The following KCTD1 variants were observed in gnomAD, a reference collection of about 807,000 sequenced individuals.
The protein encoded by KCTD1 is BTB/POZ domain-containing protein KCTD1.
Under a neutral mutation model 66.0 loss-of-function variants are expected in KCTD1, and 24 were observed. The observed-to-expected ratio is 0.36, with a 90% CI of 0.26 to 0.51. The LOEUF (loss-of-function observed/expected upper bound fraction) is 0.51, where lower values mean the gene tolerates loss of function less well. Among genes scored for constraint, KCTD1 ranks in the 20% least tolerant of loss-of-function variants. KCTD1 has a pLI of 0.95. For synonymous variants in KCTD1, 511 were observed against 517.2 expected, an observed-to-expected ratio of 0.99 and a Z score of 0.16; for missense variants, 943 against 1,205.2, an observed-to-expected ratio of 0.78 and a Z score of 3.22.
chr18:26,620,745 A>G (rs12150805), intron 1 of KCTD1, among the ~76,000 whole-genome samples: 82,888 of 151,444 alleles, frequency 0.55, 24,729 homozygotes, highest in Middle Eastern at 0.73. Flanking sequence ...CTAAAATTGC[A>G]AATTTGATAG....
At chr18:26,526,069 A>G (rs1005341457) in intron 1 of KCTD1, among the ~76,000 whole-genome samples, 8 of 152,040 alleles carry the variant, frequency 5.3e-5, no homozygotes, top group African/African-American at 1.9e-4. Context: ...TTATTCAGAC[A>G]GTTTACCAGA....
chr18:26,480,119 G>GT (rs1981565416), intron 2 of KCTD1, among the ~76,000 whole-genome samples: 1 of 126,328 alleles, frequency 7.9e-6, no homozygotes, highest in Non-Finnish European at 1.6e-5. Context: ...ATTTCTTTTT[G>GT]TTTTTTAAGG....
upstream of KCTD1, among the ~76,000 whole-genome samples, chr18:26,550,177 C>T (rs1264413677): frequency 6.6e-6 from 1 of 152,180 alleles, no homozygotes; most frequent in Non-Finnish European, 1.5e-5. The surrounding 1 kb of genome is among the most constrained non-coding windows in gnomAD (Gnocchi z 5.4). Context: ...CTCGCCTGCT[C>T]CTCGGGTGCG....
intron 2 of KCTD1, among the ~76,000 whole-genome samples, chr18:26,479,462 C>G (rs1981519742): frequency 6.6e-6 from 1 of 152,210 alleles, no homozygotes; most frequent in Non-Finnish European, 1.5e-5. Context: ...CGGCCAGACC[C>G]GATGGAAGGG....
chr18:26,535,971 C>CAAAAAAA (rs36119174), intron 1 of KCTD1, among the ~76,000 whole-genome samples: 32,521 of 119,952 alleles, frequency 0.27, 4,351 homozygotes, highest in East Asian at 0.46. Flanking sequence ...GTGATTCCTC[C>CAAAAAAA]AAAAAAAAAA....
At chr18:26,596,784 T>A (rs1203066373) in intron 1 of KCTD1, among the ~76,000 whole-genome samples, 1 of 152,276 alleles carries the variant, frequency 6.6e-6, no homozygotes, top group Non-Finnish European at 1.5e-5. Context: ...CCATTGCTAC[T>A]GTTGTTAAGA....
At chr18:26,645,397 A>C (rs1598982714) in intron 1 of KCTD1, among the ~76,000 whole-genome samples, 1 of 152,054 alleles carries the variant, frequency 6.6e-6, no homozygotes, top group East Asian at 1.9e-4. Flanking sequence ...TTACAGGCAC[A>C]TAAATCCTTT....
At chr18:26,482,345 C>T (rs1981692421) in intron 2 of KCTD1, among the ~76,000 whole-genome samples, 1 of 152,142 alleles carries the variant, frequency 6.6e-6, no homozygotes, top group Non-Finnish European at 1.5e-5. Context: ...AACTGAAACA[C>T]CCCAAGACTC....
chr18:26,509,705 A>C (rs28479192), intron 1 of KCTD1, among the ~76,000 whole-genome samples: 2,941 of 152,332 alleles, frequency 0.019, 104 homozygotes, highest in African/African-American at 0.067. Flanking sequence ...ACAGTAAAGG[A>C]AAACATTTTT....
chr18:26,640,854 T>C (rs1174127488), upstream of KCTD1, among the ~76,000 whole-genome samples: 2 of 151,810 alleles, frequency 1.3e-5, no homozygotes, highest in African/African-American at 4.8e-5. Flanking sequence ...GGAAGAGTGG[T>C]CAAAATAGAA....
chr18:26,519,147 C>CT (rs980128064), intron 1 of KCTD1, among the ~76,000 whole-genome samples: 1 of 152,194 alleles, frequency 6.6e-6, no homozygotes, highest in Non-Finnish European at 1.5e-5. Context: ...ATTTGCCCGA[C>CT]TTTTACATTT....
rs560365111 is a variant in KCTD1, at chr18:26,523,204, A to AT, written c.1810-21955_1810-21954insA. 4.6e-5 allele frequency among the ~76,000 whole-genome samples: 7 copies of AT among 152,142 alleles called. No homozygotes were observed. The South Asian group carries it at 1.4e-3, about 31-fold the overall frequency. On this transcript the variant is annotated intron_variant, in intron 1 of 4. Coordinates refer to ENST00000580059, the MANE Select transcript of KCTD1 (RefSeq NM_001142730.3). ...AAGTAGATTTGGGAAACACTGAGTT[A>AT]AACAGGCTTCTTTATATAGGGCTTC... is the stretch of plus-strand genomic sequence containing the variant.
intron 2 of KCTD1, among the ~76,000 whole-genome samples, chr18:26,486,797 A>G (rs1175017529): frequency 6.6e-6 from 1 of 152,200 alleles, no homozygotes; most frequent in African/African-American, 2.4e-5. Context: ...TAATTATATG[A>G]CACTATGAGA....
intron 1 of KCTD1, 70 bp downstream of exon 1, chr18:26,546,658 C>A: frequency 6.8e-7 from 1 of 1,468,448 alleles, no homozygotes; most frequent in Non-Finnish European, 9.1e-7. Context: ...CCCAGAGCTG[C>A]ATTAGCACAA....
chr18:26,476,715 G>T lies in KCTD1; in HGVS notation c.1989-56C>A, dbSNP rs1981368592. On this transcript the variant is annotated intron_variant, in intron 2 of 4. Coordinates refer to ENST00000580059, the MANE Select transcript of KCTD1 (RefSeq NM_001142730.3). This position sits in a 1 kb window ranked among gnomAD's most constrained non-coding sequence, Gnocchi z 4.9. The stretch of plus-strand genomic sequence containing the variant: ...AATTAGATCAATTGTTCGGGCACTA[G>T]GACTAAGAGGTGTCTTTTATCACTG... The T allele has an allele frequency of 3.3e-6, 5 of 1,494,264 alleles. No homozygotes were observed. Among genetic ancestry groups the T allele is most frequent in the Non-Finnish European group, 9.2e-7 (1 of 1,085,436 alleles). 92.6% of individuals were successfully genotyped at this position (1,494,264 alleles called of 1,614,324 possible). A position where few individuals can be genotyped will look rare whatever the true frequency, so the allele number is the denominator to read the frequency against.
intron 4 of KCTD1, chr18:26,456,934 A>C (rs1438210607): frequency 2.0e-5 from 3 of 151,642 alleles, no homozygotes; most frequent in African/African-American, 4.8e-5. Context: ...TTAAAAAAAA[A>C]AAACAAAACA....
chr18:26,650,676 G>A (rs1341187010), intron 1 of KCTD1, among the ~76,000 whole-genome samples: 1 of 152,174 alleles, frequency 6.6e-6, no homozygotes, highest in East Asian at 1.9e-4. Flanking sequence ...GGATAGAGAA[G>A]GATCAGTACC....
At chr18:26,656,401 G>A (rs987961817) in intron 1 of KCTD1, among the ~76,000 whole-genome samples, 3 of 152,192 alleles carry the variant, frequency 2.0e-5, no homozygotes, top group Admixed American at 6.5e-5. Flanking sequence ...AGGTGGGGAG[G>A]AAGAGGAATA....
intron 1 of KCTD1, chr18:26,599,886 C>CA: frequency 1.9e-6 from 3 of 1,556,568 alleles, no homozygotes; most frequent in Non-Finnish European, 2.7e-6. Flanking sequence ...AGATCACAGG[C>CA]AAAAAGCAAA....
Sources: allele counts gnomAD v4.1 joint callset (sites outside exome capture counted in the v4.1 genomes callset), GRCh38; gene constraint gnomAD v4.1.1; non-coding constraint Gnocchi (gnomAD v3.1); transcripts MANE v1.5; gene names NCBI Gene and HGNC (gene_info 2026-07-23, HGNC 2026-07-21).